INPP4B: variants seen among roughly 807,000 people sequenced by gnomAD.
INPP4B encodes inositol polyphosphate-4-phosphatase type II B.
A neutral mutation model predicts 122.5 loss-of-function variants in INPP4B; 55 were observed. The observed-to-expected ratio is 0.45, with a 90% CI of 0.36 to 0.56. The LOEUF (loss-of-function observed/expected upper bound fraction) is 0.56. Among genes scored for constraint, INPP4B ranks in the 20% least tolerant of loss-of-function variants. The probability of loss-of-function intolerance (pLI) is 0.00; values close to 1 mark genes in which losing one functional copy is unlikely to be tolerated. For missense variants in INPP4B, 1,000 were observed against 1,097.7 expected, an observed-to-expected ratio of 0.91 and a Z score of 1.26; for synonymous variants, 403 against 388.7, an observed-to-expected ratio of 1.04 and a Z score of -0.43.
intron 1 of INPP4B, among the ~76,000 whole-genome samples, chr4:142,759,825 T>TAAAAAAAAAAAAAAAAAAAAA (rs70949188): frequency 1.7e-4 from 12 of 70,046 alleles, no homozygotes; most frequent in African/African-American, 4.5e-4. Context: ...GAGCTTTTTC[T>TAAAAAAAAAAAAAAAAAAAAA]AAAAAAAAAA....
chr4:142,593,168 G>T (rs1442421601), intron 2 of INPP4B, among the ~76,000 whole-genome samples: 1 of 151,852 alleles, frequency 6.6e-6, no homozygotes, highest in African/African-American at 2.4e-5. Flanking sequence ...GGAAAAACTA[G>T]TCTGCATCAT....
chr4:142,502,906 G>T (rs1823571291), intron 2 of INPP4B, among the ~76,000 whole-genome samples: 2 of 152,084 alleles, frequency 1.3e-5, no homozygotes, highest in Non-Finnish European at 2.9e-5. Flanking sequence ...GCAAAACTCA[G>T]CATGGATATC....
chr4:142,121,934 T>G (rs1371588306), intron 21 of INPP4B, among the ~76,000 whole-genome samples, 194 bp downstream of exon 21: 1 of 152,080 alleles, frequency 6.6e-6, no homozygotes, highest in East Asian at 1.9e-4. Flanking sequence ...ATTTAAAACA[T>G]TCATGAGACT....
intron 7 of INPP4B, among the ~76,000 whole-genome samples, chr4:142,339,244 T>C (rs1434953234): frequency 6.6e-6 from 1 of 152,222 alleles, no homozygotes; most frequent in Non-Finnish European, 1.5e-5. Context: ...CCTGGAATTA[T>C]CCTAATTTGC....
intron 7 of INPP4B, among the ~76,000 whole-genome samples, chr4:142,337,693 ATTATT>A (rs1342320278): frequency 4.7e-5 from 4 of 84,358 alleles, no homozygotes; most frequent in African/African-American, 1.2e-4. Context: ...TATTATATAT[ATTATT>A]TTATGTATAT....
chr4:142,332,520 G>T (rs1168278068), intron 7 of INPP4B, among the ~76,000 whole-genome samples: 5 of 151,800 alleles, frequency 3.3e-5, no homozygotes, highest in Admixed American at 2.6e-4. Context: ...AGCATATATA[G>T]TTAAAAAAAA....
intron 7 of INPP4B, among the ~76,000 whole-genome samples, chr4:142,321,695 C>G (rs1770111893): frequency 6.6e-6 from 1 of 152,102 alleles, no homozygotes; most frequent in South Asian, 2.1e-4. Context: ...TGTCCTTTCC[C>G]TACTTTATGT....
chr4:142,427,653 C>T (rs1808395907), intron 5 of INPP4B, among the ~76,000 whole-genome samples: 1 of 151,982 alleles, frequency 6.6e-6, no homozygotes, highest in African/African-American at 2.4e-5. Context: ...ACAATTGCCA[C>T]CCTAATTGCT....
intron 2 of INPP4B, among the ~76,000 whole-genome samples, chr4:142,539,331 T>C (rs902484358): frequency 6.6e-6 from 1 of 151,976 alleles, no homozygotes; most frequent in Non-Finnish European, 1.5e-5. Context: ...GGAAGAACTA[T>C]TCATCATTAA....
chr4:142,089,437 C>CCACACA (rs36203495), intron 23 of INPP4B, among the ~76,000 whole-genome samples: 424 of 141,568 alleles, frequency 3.0e-3, no homozygotes, highest in South Asian at 9.2e-3. Flanking sequence ...GATGTTCTCA[C>CCACACA]CACACACACA....
intron 24 of INPP4B, among the ~76,000 whole-genome samples, chr4:142,084,942 C>G (rs527797118): frequency 6.6e-6 from 1 of 152,096 alleles, no homozygotes; most frequent in Non-Finnish European, 1.5e-5. Context: ...AATTTATGAC[C>G]TACCATTGTG....
At chr4:142,527,794 C>T (rs2149967327) in intron 2 of INPP4B, among the ~76,000 whole-genome samples, 1 of 152,008 alleles carries the variant, frequency 6.6e-6, no homozygotes, top group East Asian at 1.9e-4. Context: ...GAAGTCAAGG[C>T]AATTCTTACT....
intron 5 of INPP4B, among the ~76,000 whole-genome samples, chr4:142,415,767 T>C (rs1482564673): frequency 1.3e-5 from 2 of 152,090 alleles, no homozygotes; most frequent in Non-Finnish European, 2.9e-5. Context: ...TGTCCAACAA[T>C]GATAGACTGG....
chr4:142,504,901 C>T (rs72946892), intron 2 of INPP4B, among the ~76,000 whole-genome samples: 6,930 of 151,738 alleles, frequency 0.046, 191 homozygotes, highest in Middle Eastern at 0.075. Context: ...CATGACGTGA[C>T]GTGATGTGAT....
chr4:142,744,077 A>G (rs1345100674), intron 1 of INPP4B, among the ~76,000 whole-genome samples: 1 of 151,996 alleles, frequency 6.6e-6, no homozygotes, highest in Non-Finnish European at 1.5e-5. Context: ...AAAGGAAAAT[A>G]TAGTCTTAAT....
intron 2 of INPP4B, among the ~76,000 whole-genome samples, chr4:142,655,456 T>C (rs1753945832): frequency 6.6e-6 from 1 of 152,238 alleles, no homozygotes; most frequent in South Asian, 2.1e-4. Context: ...TATGCTCATT[T>C]TTAATATTTG....
chr4:142,675,176 G>T (rs1426530225), intron 2 of INPP4B, among the ~76,000 whole-genome samples: 2 of 152,096 alleles, frequency 1.3e-5, no homozygotes, highest in East Asian at 3.9e-4. Flanking sequence ...TATCACCACT[G>T]ATACCACAGA....
At chr4:142,541,787 G>A (rs1348022501) in intron 2 of INPP4B, among the ~76,000 whole-genome samples, 1 of 152,078 alleles carries the variant, frequency 6.6e-6, no homozygotes, top group African/African-American at 2.4e-5. Context: ...CCAGCACCCA[G>A]TTCCTGGAGC....
chr4:142,345,052 A>G (rs1779887650), intron 7 of INPP4B, among the ~76,000 whole-genome samples: 1 of 152,008 alleles, frequency 6.6e-6, no homozygotes, highest in Admixed American at 6.6e-5. Context: ...TTCTCAAATT[A>G]TTCTAAGCTA....
Sources: gnomAD v4.1 joint callset for allele counts (sites outside exome capture counted in the v4.1 genomes callset) on GRCh38, gnomAD v4.1.1 for gene constraint, MANE v1.5 for transcripts, NCBI Gene and HGNC (gene_info 2026-07-23, HGNC 2026-07-21) for gene names.